PAPSS2: variants seen among roughly 807,000 people sequenced by gnomAD.
The protein encoded by PAPSS2 is 3'-phosphoadenosine 5'-phosphosulfate synthase 2.
A neutral mutation model predicts 66.5 loss-of-function variants in PAPSS2; 61 were observed. That is an observed-to-expected ratio of 0.92 (90% CI 0.75 to 1.14). The LOEUF (loss-of-function observed/expected upper bound fraction) is 1.14, where lower values mean the gene tolerates loss of function less well. PAPSS2 is among the 50% of genes most tolerant of loss of function. PAPSS2 has a pLI of 0.00. For missense variants in PAPSS2, 708 were observed against 789.6 expected, an observed-to-expected ratio of 0.90 and a Z score of 1.24; for synonymous variants, 289 against 287.5, an observed-to-expected ratio of 1.01 and a Z score of -0.05.
rs2255682 is a variant in PAPSS2, at chr10:87,660,116, C to G, written c.27+108C>G. ...TCCCACCCTCCCCGGGAGGGGGCGT[C>G]GGGAGGAGGAGTAAGAGTGGGGCAC... On this transcript the variant is annotated intron_variant, in intron 1 of 12. Transcript: ENST00000456849. 408,008 of 1,152,714 alleles carry G rather than the reference C, an allele frequency of 0.35. 76,214 individuals carry two copies. Among genetic ancestry groups the G allele is most frequent in the Non-Finnish European group, 0.4 (310,183 of 783,590 alleles). 71.4% of individuals were successfully genotyped at this position (1,152,714 alleles called of 1,614,324 possible). A position where few individuals can be genotyped will look rare whatever the true frequency, so the allele number is the denominator to read the frequency against.
Position 87,701,331 on chromosome 10 carries a change from T to TTCCTTC in PAPSS2, c.28-7865_28-7864insTCCTTC, listed in dbSNP as rs1564716683. On this transcript the variant is annotated intron_variant, in intron 1 of 12. Coordinates refer to ENST00000456849, the MANE Select transcript of PAPSS2 (RefSeq NM_001015880.2). ...TCCTTCCTTCCTTCCTTCCTTCCTTTCTTTCTTTCTTTCTTTCTTTCTTTC... is the reference window on the plus strand; with the variant it reads ...TCCTTCCTTCCTTCCTTCCTTCCTTTTCCTTCCTTTCTTTCTTTCTTTCTTTCTTTC... 5.4e-4 allele frequency among the ~76,000 whole-genome samples: 28 copies of TTCCTTC among 52,106 alleles called. 1 individual carries two copies. The South Asian group carries it at 8.8e-3, about 16-fold the overall frequency. 34.2% of individuals were successfully genotyped at this position (52,106 alleles called of 152,430 possible).
chr10:87,684,191 C>A (rs990122528), intron 1 of PAPSS2, among the ~76,000 whole-genome samples: 2 of 152,136 alleles, frequency 1.3e-5, no homozygotes, highest in Non-Finnish European at 2.9e-5. Flanking sequence ...TTGGGTTAAT[C>A]CTGTTTTGTT....
intron 8 of PAPSS2, among the ~76,000 whole-genome samples, chr10:87,725,852 T>C (rs1197600825): frequency 6.9e-6 from 1 of 145,234 alleles, no homozygotes; most frequent in Non-Finnish European, 1.5e-5. Context: ...CATGCCAACA[T>C]GTCCAGCTAA....
Position 87,725,469 on chromosome 10 carries a change from C to T in PAPSS2, c.881-1815C>T, listed in dbSNP as rs139311765. ...TCACACTCCAGAGAAAGTACATGTG[C>T]GTTAATGACTTGATGTCATTTTTCA... On this transcript the variant is annotated intron_variant, in intron 8 of 12. Coordinates refer to ENST00000456849, the MANE Select transcript of PAPSS2 (RefSeq NM_001015880.2). Among the ~76,000 whole-genome samples the T allele has an allele frequency of 8.5e-5, 13 of 152,200 alleles. No individual in the cohort carries two copies. The East Asian group carries it at 2.3e-3, about 27-fold the overall frequency.
chr10:87,709,384 T>C (rs1294792625), intron 2 of PAPSS2, 71 bp downstream of exon 2: 1 of 927,128 alleles, frequency 1.1e-6, no homozygotes, highest in Non-Finnish European at 1.8e-6. Flanking sequence ...TTTATGGAAA[T>C]TAGTGTAACG....
chr10:87,703,969 A>G (rs1853350831), intron 1 of PAPSS2: 1 of 486,798 alleles, frequency 2.1e-6, no homozygotes, highest in African/African-American at 2.0e-5. Context: ...TTTTTCTGAC[A>G]GTCACTTTCT....
chr10:87,742,651 G>A (rs1418716060), intron 10 of PAPSS2, among the ~76,000 whole-genome samples: 3 of 152,150 alleles, frequency 2.0e-5, no homozygotes, highest in Non-Finnish European at 4.4e-5. Context: ...TCTTTAAAGC[G>A]AAAGCAAAAT....
chr10:87,715,579 G>C (rs970930084), intron 6 of PAPSS2, among the ~76,000 whole-genome samples, 153 bp from the exon 7 acceptor site: 1 of 152,186 alleles, frequency 6.6e-6, no homozygotes, highest in African/African-American at 2.4e-5. Flanking sequence ...CTGGCCCTTA[G>C]ATCATGGGTT....
intron 1 of PAPSS2, among the ~76,000 whole-genome samples, chr10:87,664,690 G>T (rs1175778504): frequency 6.6e-6 from 1 of 152,160 alleles, no homozygotes; most frequent in Non-Finnish European, 1.5e-5. Context: ...AGGCATCAAT[G>T]ATGTCAATCT....
At chr10:87,745,350 T>G in intron 12 of PAPSS2, 119 bp downstream of exon 12, 1 of 791,242 alleles carries the variant, frequency 1.3e-6, no homozygotes, top group Non-Finnish European at 2.2e-6. Flanking sequence ...GTGGACTGAG[T>G]CCCTTGAGAG....
intron 1 of PAPSS2, among the ~76,000 whole-genome samples, chr10:87,705,526 A>G (rs891860580): frequency 6.6e-6 from 1 of 152,130 alleles, no homozygotes; most frequent in Non-Finnish European, 1.5e-5. Context: ...GCCCCACTTC[A>G]TACCTCCACC....
rs1279363261 is a variant in PAPSS2, at chr10:87,746,048, A to T, written c.*78A>T. The stretch of plus-strand genomic sequence containing the variant: ...TTTTATGATTAGATGCTTTGTATTA[A>T]ATTGCTTCTCAATGATGCATTTTAA... On this transcript the variant is annotated 3_prime_UTR_variant, in exon 13 of 13. Coordinates refer to ENST00000456849, the MANE Select transcript of PAPSS2 (RefSeq NM_001015880.2). 2.9e-6 allele frequency: 4 copies of T among 1,400,896 alleles called. No homozygotes were observed. In the East Asian group the frequency reaches 9.2e-5, roughly 32 times the overall value. The allele number at this position is 1,400,896 out of a possible 1,614,324, so 86.8% of individuals were successfully genotyped here.
intron 1 of PAPSS2, among the ~76,000 whole-genome samples, chr10:87,680,783 C>G (rs1217564071): frequency 6.6e-6 from 1 of 152,016 alleles, no homozygotes; most frequent in Non-Finnish European, 1.5e-5. Flanking sequence ...CCAGTCACTA[C>G]CTCCTTCTCC....
At chr10:87,708,158 T>C (rs989694112) in intron 1 of PAPSS2, among the ~76,000 whole-genome samples, 2 of 152,236 alleles carry the variant, frequency 1.3e-5, no homozygotes, top group Non-Finnish European at 2.9e-5. Context: ...TCATCAGACT[T>C]GTACCTCCCA....
At chr10:87,724,373 T>G (rs1853632003) in intron 8 of PAPSS2, among the ~76,000 whole-genome samples, 1 of 151,862 alleles carries the variant, frequency 6.6e-6, no homozygotes, top group African/African-American at 2.4e-5. Flanking sequence ...TGGGCACTAA[T>G]GTAATGGTGC....
chr10:87,665,369 G>T (rs923936840), intron 1 of PAPSS2, among the ~76,000 whole-genome samples: 1 of 152,044 alleles, frequency 6.6e-6, no homozygotes, highest in Non-Finnish European at 1.5e-5. Flanking sequence ...CTGCCACCAC[G>T]CCCGGCTAAC....
intron 9 of PAPSS2, among the ~76,000 whole-genome samples, chr10:87,734,242 C>T (rs1232174221): frequency 2.0e-5 from 3 of 152,180 alleles, no homozygotes; most frequent in Non-Finnish European, 4.4e-5. Context: ...TTTGCACATA[C>T]TCATCCTTCA....
intron 1 of PAPSS2, among the ~76,000 whole-genome samples, chr10:87,702,300 C>A (rs1458223274): frequency 6.6e-6 from 1 of 152,184 alleles, no homozygotes; most frequent in African/African-American, 2.4e-5. Context: ...CTGGCTACAT[C>A]CTGTGTCTTC....
At chr10:87,702,223 G>C (rs1315640484) in intron 1 of PAPSS2, among the ~76,000 whole-genome samples, 1 of 152,156 alleles carries the variant, frequency 6.6e-6, no homozygotes, top group Non-Finnish European at 1.5e-5. Context: ...CTGTGACAAA[G>C]AGCTCACATA....
Sources: gnomAD v4.1 joint callset for allele counts (sites outside exome capture counted in the v4.1 genomes callset) on GRCh38, gnomAD v4.1.1 for gene constraint, MANE v1.5 for transcripts, NCBI Gene and HGNC (gene_info 2026-07-23, HGNC 2026-07-21) for gene names.